Variants in LARGE1 observed in about 807,000 individuals in gnomAD.
The protein encoded by LARGE1 is xylosyl- and glucuronyltransferase LARGE1.
A neutral mutation model predicts 87.6 loss-of-function variants in LARGE1; 43 were observed. The observed-to-expected ratio is 0.49, with a 90% CI of 0.38 to 0.63. LARGE1 has a LOEUF of 0.63. Among genes scored for constraint, LARGE1 ranks in the 30% least tolerant of loss-of-function variants. The pLI, the probability that LARGE1 is intolerant of heterozygous loss-of-function variation, is 0.00. For missense variants in LARGE1, 802 were observed against 1,000.2 expected, an observed-to-expected ratio of 0.80 and a Z score of 2.67; for synonymous variants, 434 against 394.6, an observed-to-expected ratio of 1.10 and a Z score of -1.18.
At chr22:33,882,722 G>A (rs1342999394) in intron 1 of LARGE1, among the ~76,000 whole-genome samples, 1 of 152,220 alleles carries the variant, frequency 6.6e-6, no homozygotes, top group East Asian at 1.9e-4. Context: ...AAACCTGTGA[G>A]ATTTGATCAT....
intron 6 of LARGE1, among the ~76,000 whole-genome samples, chr22:33,438,538 G>A (rs2067355308): frequency 6.6e-6 from 1 of 152,194 alleles, no homozygotes; most frequent in South Asian, 2.1e-4. Flanking sequence ...CTGGGGCCCT[G>A]GTGTTGGTGT....
At chr22:33,306,391 A>G (rs1327776513) in intron 11 of LARGE1, among the ~76,000 whole-genome samples, 1 of 152,184 alleles carries the variant, frequency 6.6e-6, no homozygotes, top group South Asian at 2.1e-4. Flanking sequence ...GCATGTAGAC[A>G]TGAGACCTGC....
At chr22:33,280,111 G>A (rs1328219158) in intron 13 of LARGE1, among the ~76,000 whole-genome samples, 3 of 152,104 alleles carry the variant, frequency 2.0e-5, no homozygotes, top group East Asian at 1.9e-4. Flanking sequence ...ATAACAAAGT[G>A]GTTAAAAGCA....
intron 6 of LARGE1, among the ~76,000 whole-genome samples, chr22:33,447,938 T>C (rs761747214): frequency 1.2e-4 from 18 of 152,152 alleles, no homozygotes; most frequent in Admixed American, 9.2e-4. Flanking sequence ...GCCACCTGGA[T>C]GAACCTTGGA....
chr22:33,126,553 A>G, the LARGE1 span, among the ~76,000 whole-genome samples: 1 of 152,250 alleles, frequency 6.6e-6, no homozygotes, highest in African/African-American at 2.4e-5. Context: ...TCTAGGTGGT[A>G]TATTGAAGAG....
intron 11 of LARGE1, among the ~76,000 whole-genome samples, chr22:33,225,695 T>A (rs567499407): frequency 2.0e-5 from 3 of 152,062 alleles, no homozygotes; most frequent in African/African-American, 7.2e-5. Context: ...CCAATAGTTA[T>A]TTTTTTTCTG....
chr22:33,248,163 C>T (rs575076360), intron 11 of LARGE1, among the ~76,000 whole-genome samples: 10 of 151,942 alleles, frequency 6.6e-5, no homozygotes, highest in South Asian at 2.1e-4. Context: ...AGTTTCCATA[C>T]GCCACCTTCC....
chr22:33,842,086 G>A (rs1000648812), intron 1 of LARGE1, among the ~76,000 whole-genome samples: 5 of 152,144 alleles, frequency 3.3e-5, no homozygotes, highest in African/African-American at 1.2e-4. Context: ...TATCGAAATC[G>A]AAATCCCTTT....
chr22:33,613,578 C>T (rs546374322), intron 4 of LARGE1, among the ~76,000 whole-genome samples: 2 of 152,288 alleles, frequency 1.3e-5, no homozygotes, highest in South Asian at 2.1e-4. Flanking sequence ...CCACAACCTC[C>T]GCCTCCTGGG....
chr22:33,350,067 TAAG>T (rs1421137352), intron 9 of LARGE1, among the ~76,000 whole-genome samples: 1 of 152,260 alleles, frequency 6.6e-6, no homozygotes, highest in Non-Finnish European at 1.5e-5. Context: ...AGGTAGAGGC[TAAG>T]GAGGGGATAA....
At chr22:33,136,946 T>A in the LARGE1 span, among the ~76,000 whole-genome samples, 88 of 146,872 alleles carry the variant, frequency 6.0e-4, no homozygotes, top group African/African-American at 2.1e-3. Flanking sequence ...AAAAAAAAAA[T>A]AAACTGGAGA....
intron 1 of LARGE1, among the ~76,000 whole-genome samples, chr22:33,822,584 G>C (rs1265782258): frequency 6.6e-6 from 1 of 152,098 alleles, no homozygotes; most frequent in Admixed American, 6.5e-5. Flanking sequence ...TGTAATCCCA[G>C]CTACTCGGGA....
the LARGE1 span, among the ~76,000 whole-genome samples, chr22:33,140,558 G>T: frequency 1.3e-5 from 2 of 152,192 alleles, no homozygotes; most frequent in East Asian, 3.8e-4. Flanking sequence ...CTGCCAGCAT[G>T]GCTAGAATAC....
At chr22:33,752,754 G>A (rs2084368218) in intron 2 of LARGE1, among the ~76,000 whole-genome samples, 1 of 152,208 alleles carries the variant, frequency 6.6e-6, no homozygotes, top group African/African-American at 2.4e-5. Context: ...ATGGGACTGT[G>A]GGAAAGTGGT....
the LARGE1 span, among the ~76,000 whole-genome samples, chr22:33,102,404 C>T: frequency 5.4e-3 from 821 of 152,136 alleles, 4 homozygotes; most frequent in African/African-American, 0.019. Context: ...ATCTCTTGAC[C>T]TTGTGACCTG....
intron 11 of LARGE1, among the ~76,000 whole-genome samples, chr22:33,200,574 A>G (rs1421441097): frequency 6.6e-6 from 1 of 151,296 alleles, no homozygotes; most frequent in Non-Finnish European, 1.5e-5. Flanking sequence ...TGTTAGTCAA[A>G]AAGGAGAAAA....
intron 9 of LARGE1, among the ~76,000 whole-genome samples, chr22:33,360,918 C>T (rs529567870): frequency 2.7e-5 from 4 of 149,770 alleles, no homozygotes; most frequent in African/African-American, 4.9e-5. Context: ...TATGTAATCC[C>T]GATAAAACCC....
exon 12 of LARGE1, chr22:33,163,488 A>C (rs17793354): frequency 0.057 from 8,649 of 152,348 alleles, 342 homozygotes; most frequent in South Asian, 0.12. Context: ...TGTTCATTAC[A>C]GGTACATTCA....
intron 6 of LARGE1, among the ~76,000 whole-genome samples, chr22:33,492,359 C>T (rs142044553): frequency 4.3e-4 from 65 of 152,290 alleles, no homozygotes; most frequent in African/African-American, 1.4e-3. Context: ...GACACTTTTG[C>T]GTCTTTCAAG....
Sources: gnomAD v4.1 joint callset for allele counts (sites outside exome capture counted in the v4.1 genomes callset) on GRCh38, gnomAD v4.1.1 for gene constraint, MANE v1.5 for transcripts, NCBI Gene and HGNC (gene_info 2026-07-23, HGNC 2026-07-21) for gene names.